The following BACH2 variants were observed in gnomAD, a reference collection of about 807,000 sequenced individuals.
BACH2 encodes the protein BACH transcriptional regulator 2, also known as transcription regulator protein BACH2.
BACH2 carries 5 observed loss-of-function variants against 61.8 expected under a neutral mutation model. That is an observed-to-expected ratio of 0.08 (90% CI 0.04 to 0.17). The LOEUF (loss-of-function observed/expected upper bound fraction) is 0.17, where lower values mean the gene tolerates loss of function less well. BACH2 is among the 10% of genes least tolerant of loss of function. BACH2 has a pLI of 1.00. For missense variants in BACH2, 824 were observed against 1,091.1 expected (o/e 0.76, Z 3.45); for synonymous variants, 446 against 440.1 (o/e 1.01, Z -0.17).
intron 5 of BACH2, among the ~76,000 whole-genome samples, chr6:90,074,053 A>G (rs2127802411): frequency 6.6e-6 from 1 of 152,346 alleles, no homozygotes; most frequent in East Asian, 1.9e-4. Context: ...TGCACTTTGT[A>G]TAAATGAATG....
chr6:90,206,131 T>C (rs1454104563), intron 4 of BACH2, among the ~76,000 whole-genome samples: 1 of 152,310 alleles, frequency 6.6e-6, no homozygotes, highest in East Asian at 1.9e-4. Flanking sequence ...ACTCATTTCA[T>C]CCTTGCAATA....
chr6:90,011,791 C>T (rs1305490175), intron 5 of BACH2, among the ~76,000 whole-genome samples: 3 of 151,890 alleles, frequency 2.0e-5, no homozygotes, highest in Admixed American at 6.6e-5. Flanking sequence ...TGTGGTGGTA[C>T]GTGCCTGTAA....
intron 5 of BACH2, among the ~76,000 whole-genome samples, chr6:90,079,667 T>A (rs1781637137): frequency 6.6e-6 from 1 of 152,198 alleles, no homozygotes; most frequent in Admixed American, 6.5e-5. Context: ...AAACCAGTCA[T>A]CAGAATTAAC....
At chr6:89,955,308 G>C (rs1299994128) in intron 6 of BACH2, among the ~76,000 whole-genome samples, 1 of 152,232 alleles carries the variant, frequency 6.6e-6, no homozygotes, top group Non-Finnish European at 1.5e-5. Flanking sequence ...CTTTGTAGAA[G>C]AGGTACAAAT....
chr6:90,147,612 A>T (rs1394642105), intron 4 of BACH2, among the ~76,000 whole-genome samples: 1 of 152,136 alleles, frequency 6.6e-6, no homozygotes, highest in African/African-American at 2.4e-5. Context: ...AAATTAGGAA[A>T]TGTGCTATGA....
At chr6:90,294,356 T>C (rs1772271016) in intron 1 of BACH2, among the ~76,000 whole-genome samples, 1 of 152,312 alleles carries the variant, frequency 6.6e-6, no homozygotes, top group East Asian at 1.9e-4. Context: ...TGGTTGTGTG[T>C]TCCATTTCTG....
chr6:90,193,237 A>C (rs1283757937), intron 4 of BACH2, among the ~76,000 whole-genome samples: 1 of 152,230 alleles, frequency 6.6e-6, no homozygotes, highest in Non-Finnish European at 1.5e-5. Context: ...GTACCTCAGA[A>C]AGTGACCTTA....
chr6:90,284,903 TAC>T (rs779857323), intron 1 of BACH2, among the ~76,000 whole-genome samples: 3 of 152,206 alleles, frequency 2.0e-5, no homozygotes, highest in African/African-American at 4.8e-5. Flanking sequence ...AACATCATGT[TAC>T]ACACAGTCAC....
chr6:90,089,578 T>A (rs1487276029), intron 4 of BACH2, among the ~76,000 whole-genome samples: 1 of 152,152 alleles, frequency 6.6e-6, no homozygotes, highest in Non-Finnish European at 1.5e-5. Flanking sequence ...CTCAAATGTG[T>A]TTCGTTTTAA....
At chr6:89,969,149 G>T (rs1334938453) in intron 6 of BACH2, among the ~76,000 whole-genome samples, 3 of 150,432 alleles carry the variant, frequency 2.0e-5, no homozygotes, top group Non-Finnish European at 3.0e-5. Flanking sequence ...CGCCTCCTGG[G>T]TTCAAGCGAT....
chr6:90,071,695 C>T (rs554131689), intron 5 of BACH2, among the ~76,000 whole-genome samples: 1 of 152,312 alleles, frequency 6.6e-6, no homozygotes, highest in Non-Finnish European at 1.5e-5. Context: ...CGATCCCCGA[C>T]GCAGTCGAAA....
intron 1 of BACH2, among the ~76,000 whole-genome samples, chr6:90,290,870 C>G (rs984643597): frequency 2.6e-5 from 4 of 152,134 alleles, no homozygotes; most frequent in African/African-American, 4.8e-5. Context: ...GGGACTTTGT[C>G]TACATGCCAG....
chr6:89,944,571 T>C (rs1584510560), intron 7 of BACH2, among the ~76,000 whole-genome samples: 1 of 152,228 alleles, frequency 6.6e-6, no homozygotes. Flanking sequence ...AAATTTTACA[T>C]ACAACATGTG....
At chr6:90,219,548 T>C (rs1366874078) in intron 3 of BACH2, among the ~76,000 whole-genome samples, 1 of 152,178 alleles carries the variant, frequency 6.6e-6, no homozygotes, top group Non-Finnish European at 1.5e-5. Flanking sequence ...AAAGAAAACT[T>C]TACCTGACAT....
At chr6:90,100,728 G>GACAGACAC (rs1782588227) in intron 4 of BACH2, among the ~76,000 whole-genome samples, 5 of 142,270 alleles carry the variant, frequency 3.5e-5, no homozygotes, top group Non-Finnish European at 7.7e-5. Flanking sequence ...CACACACACA[G>GACAGACAC]ACACACACAC....
chr6:90,247,719 G>A (rs1363161794), intron 3 of BACH2, among the ~76,000 whole-genome samples: 2 of 152,034 alleles, frequency 1.3e-5, no homozygotes, highest in African/African-American at 4.8e-5. Context: ...CAGTTAAAAA[G>A]GGTTAATAGC....
intron 3 of BACH2, among the ~76,000 whole-genome samples, chr6:90,229,704 T>C (rs775284869): frequency 2.0e-5 from 3 of 152,308 alleles, no homozygotes; most frequent in Non-Finnish European, 4.4e-5. Context: ...CAACAAGAAG[T>C]TTGTGCTCTG....
chr6:90,215,052 G>T (rs576685913), intron 3 of BACH2, among the ~76,000 whole-genome samples: 48 of 152,192 alleles, frequency 3.2e-4, no homozygotes, highest in Non-Finnish European at 4.7e-4. Flanking sequence ...ACTGTATCTG[G>T]CCATATTCTG....
chr6:90,167,638 C>T (rs184816113), intron 4 of BACH2, among the ~76,000 whole-genome samples: 3 of 152,362 alleles, frequency 2.0e-5, no homozygotes, highest in African/African-American at 7.2e-5. Context: ...GGGTTATAGG[C>T]ATGAGCCACT....
Sources: gnomAD v4.1 joint callset for allele counts (sites outside exome capture counted in the v4.1 genomes callset) on GRCh38, gnomAD v4.1.1 for gene constraint, MANE v1.5 for transcripts, NCBI Gene and HGNC (gene_info 2026-07-23, HGNC 2026-07-21) for gene names.